The following HRG variants were observed in gnomAD, a reference collection of about 807,000 sequenced individuals.
The protein encoded by HRG is histidine-rich glycoprotein.
In HRG, 26 loss-of-function variants were observed where a neutral mutation model predicts 29.5. The observed-to-expected ratio is 0.88, with a 90% confidence interval of 0.65 to 1.22. The LOEUF is 1.22. HRG is among the 50% of genes most tolerant of loss of function. The probability of loss-of-function intolerance (pLI) is 0.00; values close to 1 mark genes in which losing one functional copy is unlikely to be tolerated. For missense variants in HRG, 671 were observed against 654.5 expected (o/e 1.03, Z -0.28); for synonymous variants, 243 against 240.4 (o/e 1.01, Z -0.10).
At chr3:186,667,112 G>A (rs544562657) in intron 1 of HRG, 1 of 152,306 alleles carries the variant, frequency 6.6e-6, no homozygotes, top group East Asian at 1.9e-4. Flanking sequence ...CTGAAAGAAG[G>A]ACCCAGCAAG....
At chr3:186,670,262 A>G (rs942889221) in intron 3 of HRG, among the ~76,000 whole-genome samples, 2 of 152,170 alleles carry the variant, frequency 1.3e-5, no homozygotes, top group Non-Finnish European at 2.9e-5. Context: ...AAAGAAATTC[A>G]ACACATAAAA....
At chr3:186,675,728 T>G (rs1185843212) in intron 6 of HRG, among the ~76,000 whole-genome samples, 2 of 152,142 alleles carry the variant, frequency 1.3e-5, no homozygotes, top group African/African-American at 4.8e-5. Context: ...GTCTATTTTT[T>G]ACATGAGTAC....
chr3:186,671,554 A>T, intron 3 of HRG, 69 bp from the exon 4 acceptor site: 1 of 1,498,282 alleles, frequency 6.7e-7, no homozygotes, highest in South Asian at 1.1e-5. Context: ...AGTTATTGTC[A>T]TTCTTGCCAC....
intron 6 of HRG, among the ~76,000 whole-genome samples, chr3:186,676,768 G>A (rs567982699): frequency 5.3e-5 from 8 of 151,960 alleles, no homozygotes; most frequent in South Asian, 4.2e-4. Flanking sequence ...AGCAGAGATC[G>A]CACCACTGCA....
At chr3:186,668,848 A>G in intron 1 of HRG, 87 bp from the exon 2 acceptor site, 1 of 743,332 alleles carries the variant, frequency 1.3e-6, no homozygotes, top group Non-Finnish European at 2.4e-6. Flanking sequence ...AATTCTGTTT[A>G]AGTAATAAAT....
At chr3:186,676,953 A>T in intron 6 of HRG, 94 bp from the exon 7 acceptor site, 1 of 1,383,814 alleles carries the variant, frequency 7.2e-7, no homozygotes, top group East Asian at 2.3e-5. Context: ...TGTGGAATCT[A>T]TGATCTGGGA....
At position 186,666,091 on chromosome 3, in the gene HRG, T is replaced by C; in HGVS notation, c.60T>C (p.Ser20=). ...LITLQYSCAV[S]PTDCSAVEPE... Reference sequence around the variant, plus strand: ...CATTGCAGTATTCGTGTGCCGTGAGTCCCACTGACTGCAGTGCTGTTGAGC... The same window carrying C: ...CATTGCAGTATTCGTGTGCCGTGAGCCCCACTGACTGCAGTGCTGTTGAGC... Residue 20 remains serine (S), a synonymous_variant, in exon 1 of 7, where the codon AGT becomes AGC. Transcript: ENST00000232003. 6.2e-7 allele frequency: 1 copy of C among 1,614,186 alleles called. No homozygotes were observed. The highest frequency in any genetic ancestry group is 8.5e-7 in the Non-Finnish European group (1 of 1,180,022).
intron 1 of HRG, among the ~76,000 whole-genome samples, chr3:186,668,082 A>G (rs576310588): frequency 4.9e-4 from 74 of 152,296 alleles, no homozygotes; most frequent in African/African-American, 1.7e-3. Context: ...GGATTCAACC[A>G]GTAATTCAGT....
chr3:186,671,980 T>G (rs114232169), intron 4 of HRG, among the ~76,000 whole-genome samples, 191 bp downstream of exon 4: 82,703 of 151,420 alleles, frequency 0.55, 24,378 homozygotes, highest in Non-Finnish European at 0.66. Context: ...CAAACACTTT[T>G]TTTTTTTTTT....
intron 6 of HRG, among the ~76,000 whole-genome samples, chr3:186,675,394 G>A (rs574485843): frequency 4.0e-5 from 6 of 151,144 alleles, no homozygotes; most frequent in East Asian, 3.9e-4. Flanking sequence ...AGACAGACAT[G>A]CAAGAAAAAA....
In HRG at chr3:186,675,169, CTG is replaced by C. The variant is rs1476277929; in HGVS notation, c.723_724del (p.Cys241Ter). The C allele has an allele frequency of 1.4e-5, 22 of 1,613,296 alleles. No individual in the cohort carries two copies. In the Middle Eastern group the frequency reaches 2.5e-3, roughly 182 times the overall value. ...AAAGCCCGAAAAACCTTGTCATAAA[CTG>C]TGAAGTCTTCGACCCTCAGGTGGGT... ...LESPKNLVIN[C>X]EVFDPQEHEN... On this transcript the variant is annotated frameshift_variant, in exon 6 of 7. Transcript: ENST00000232003. LOFTEE classifies it low-confidence loss of function (END_TRUNC).
At chr3:186,673,344 C>G in intron 5 of HRG, 1 of 221,422 alleles carries the variant, frequency 4.5e-6, no homozygotes, top group South Asian at 7.7e-5. Flanking sequence ...TCTCAGGTGT[C>G]CACCCACTTC....
rs370027832 is a variant in HRG at position 186,677,269 on chromosome 3, A to G, written c.964A>G (p.Met322Val). The G allele has an allele frequency of 7.4e-6, 12 of 1,613,946 alleles. No individual in the cohort carries two copies. The Admixed American group carries it at 1.0e-4, about 13-fold the overall frequency. The change falls in exon 7 of 7, where the codon ATG (methionine) becomes GTG (valine). Residue 322 changes from methionine to valine, a missense_variant. Met to Val is a conservative substitution (Grantham distance 21). Coordinates refer to ENST00000232003, the MANE Select transcript of HRG (RefSeq NM_000412.5). ...ACAAGGCCCTCCTCCACTATTGCCC[A>G]TGTCCTGCTCAAGTTGTCAACATGC... Reference protein sequence around the residue: ...LPQGPPPLLPMSCSSCQHATF... With the variant: ...LPQGPPPLLPVSCSSCQHATF...
chr3:186,676,383 G>A (rs1184725612), intron 6 of HRG, among the ~76,000 whole-genome samples: 1 of 151,812 alleles, frequency 6.6e-6, no homozygotes, highest in Non-Finnish European at 1.5e-5. Context: ...AAAAAAATAA[G>A]GATAATGAAG....
chr3:186,672,464 C>T (rs924969058), intron 4 of HRG, among the ~76,000 whole-genome samples: 10 of 152,112 alleles, frequency 6.6e-5, no homozygotes, highest in Admixed American at 3.9e-4. Flanking sequence ...ATGTGTAACA[C>T]ATCTAGGAAA....
At chr3:186,666,832 G>C (rs1718626025) in intron 1 of HRG, 1 of 154,310 alleles carries the variant, frequency 6.5e-6, no homozygotes, top group Non-Finnish European at 1.4e-5. Flanking sequence ...AGAATCGCTT[G>C]AACTCGGGAG....
rs200614979 is a variant in HRG, at chr3:186,675,300, T to A, written c.741+110T>A. 76,306 of 580,514 alleles carry A rather than the reference T, an allele frequency of 0.13. 7,637 individuals carry two copies. Among genetic ancestry groups the A allele is most frequent in the East Asian group, 0.22 (5,793 of 25,818 alleles). 36.0% of individuals were successfully genotyped at this position (580,514 alleles called of 1,614,324 possible). ...CTATGAGTGGGTGTGTGTGTGTGTG[T>A]GTGTGTGTGAGAGAGAGAGAGAGAG... On this transcript the variant is annotated intron_variant, in intron 6 of 6. Transcript: ENST00000232003.
intron 4 of HRG, 63 bp downstream of exon 4, chr3:186,671,852 C>A: frequency 7.1e-7 from 1 of 1,402,446 alleles, no homozygotes; most frequent in Non-Finnish European, 1.0e-6. Flanking sequence ...GCAGCAGGAA[C>A]TGAATGGCAT....
Position 186,671,812 on chromosome 3 carries a change from T to C in HRG, c.558+23T>C, listed in dbSNP as rs777165132. 18 of 1,611,004 alleles carry C rather than the reference T, an allele frequency of 1.1e-5. 1 individual carries two copies. In the South Asian group the frequency reaches 2.0e-4, roughly 18 times the overall value. On this transcript the variant is annotated intron_variant, in intron 4 of 6. Transcript: ENST00000232003. Reference sequence around the variant, plus strand: ...GTGGTGAGTCTCCACTAAGGTTCGGTTGGAGTCTGAAGGCCCAGGCTCCAA... The same window carrying C: ...GTGGTGAGTCTCCACTAAGGTTCGGCTGGAGTCTGAAGGCCCAGGCTCCAA...
Sources: allele counts gnomAD v4.1 joint callset (sites outside exome capture counted in the v4.1 genomes callset), GRCh38; gene constraint gnomAD v4.1.1; transcripts MANE v1.5; gene names NCBI Gene and HGNC (gene_info 2026-07-23, HGNC 2026-07-21).